Variants in GRM7 observed in about 807,000 individuals in gnomAD.
GRM7 encodes the protein glutamate metabotropic receptor 7.
A neutral mutation model predicts 84.5 loss-of-function variants in GRM7; 35 were observed. That is an observed-to-expected ratio of 0.41 (90% CI 0.32 to 0.55). GRM7 has a LOEUF of 0.55. GRM7 is among the 20% of genes least tolerant of loss of function. The pLI is 0.19. For synonymous variants in GRM7, 487 were observed against 455.1 expected, an observed-to-expected ratio of 1.07 and a Z score of -0.89; for missense variants, 1,003 against 1,194.6, an observed-to-expected ratio of 0.84 and a Z score of 2.36.
intron 1 of GRM7, among the ~76,000 whole-genome samples, chr3:7,138,222 C>A (rs1447552923): frequency 6.6e-6 from 1 of 151,794 alleles, no homozygotes; most frequent in South Asian, 2.1e-4. Flanking sequence ...TAAGTAGATC[C>A]TAGATGCATT....
intron 7 of GRM7, among the ~76,000 whole-genome samples, chr3:7,548,231 T>A (rs1423824306): frequency 6.6e-6 from 1 of 152,178 alleles, no homozygotes; most frequent in East Asian, 1.9e-4. Flanking sequence ...GAATGTCAGC[T>A]CTATTAGGTC....
At chr3:7,714,746 T>C (rs1404116030) in intron 9 of GRM7, among the ~76,000 whole-genome samples, 1 of 152,204 alleles carries the variant, frequency 6.6e-6, no homozygotes, top group East Asian at 1.9e-4. Flanking sequence ...ATAAATCCTC[T>C]ATCCAAGAAC....
Position 7,290,632 on chromosome 3 carries a change from A to G in GRM7, c.737-8052A>G, listed in dbSNP as rs1699588119. On this transcript the variant is annotated intron_variant, in intron 2 of 9. Coordinates refer to ENST00000357716, the MANE Select transcript of GRM7 (RefSeq NM_000844.4). ...CAGAGAATTTTTTATCTAAGCATTC[A>G]GTTTCCTGTGGTTTGTCTTAGGAAG... Among the ~76,000 whole-genome samples the G allele has an allele frequency of 1.3e-5, 2 of 152,154 alleles. 1 individual carries two copies. The highest frequency in any genetic ancestry group is 4.1e-4 in the South Asian group (2 of 4,830).
intron 1 of GRM7, among the ~76,000 whole-genome samples, chr3:6,926,258 A>T (rs953172401): frequency 6.6e-6 from 1 of 152,180 alleles, no homozygotes; most frequent in South Asian, 2.1e-4. Flanking sequence ...ATATCCATTG[A>T]TCTATCTGCT....
chr3:7,064,567 A>C (rs1404952429), intron 1 of GRM7, among the ~76,000 whole-genome samples: 1 of 80,328 alleles, frequency 1.2e-5, no homozygotes, highest in Non-Finnish European at 2.3e-5. Context: ...ATATATATAT[A>C]TATCACAGTT....
chr3:6,957,390 C>T (rs76624027), intron 1 of GRM7, among the ~76,000 whole-genome samples: 13,612 of 152,214 alleles, frequency 0.089, 685 homozygotes, highest in Non-Finnish European at 0.12. Context: ...TGCTTCATTC[C>T]AGAACGAGTG....
intron 1 of GRM7, among the ~76,000 whole-genome samples, chr3:7,099,539 G>C (rs369195447): frequency 6.9e-6 from 1 of 144,532 alleles, no homozygotes; most frequent in South Asian, 2.2e-4. Context: ...CATTATACAT[G>C]TACACATATA....
intron 5 of GRM7, among the ~76,000 whole-genome samples, chr3:7,437,385 T>C (rs563340323): frequency 6.6e-6 from 1 of 152,316 alleles, no homozygotes; most frequent in East Asian, 1.9e-4. Flanking sequence ...TACAAAATAA[T>C]CTAACTCATA....
At chr3:7,061,061 AT>A (rs932581520) in intron 1 of GRM7, among the ~76,000 whole-genome samples, 4 of 151,770 alleles carry the variant, frequency 2.6e-5, no homozygotes, top group Non-Finnish European at 5.9e-5. Context: ...TAGTACAGGC[AT>A]TTTTTGATGT....
chr3:7,729,869 C>CTT (rs1168461157), intron 9 of GRM7, among the ~76,000 whole-genome samples: 4,215 of 69,882 alleles, frequency 0.06, 268 homozygotes, highest in African/African-American at 0.092. Flanking sequence ...CCACCTCCGG[C>CTT]TTTTTTTTTT....
At chr3:7,372,366 T>C (rs754708925) in intron 4 of GRM7, among the ~76,000 whole-genome samples, 5 of 152,186 alleles carry the variant, frequency 3.3e-5, no homozygotes, top group Non-Finnish European at 7.3e-5. Flanking sequence ...TACAATCTTA[T>C]AACACTGAGC....
chr3:7,713,503 A>G (rs1427271537), intron 9 of GRM7, among the ~76,000 whole-genome samples: 1 of 152,072 alleles, frequency 6.6e-6, no homozygotes, highest in East Asian at 1.9e-4. Context: ...TCAAACTCCA[A>G]GTAGTATTAA....
intron 4 of GRM7, among the ~76,000 whole-genome samples, chr3:7,376,563 C>T (rs1196251673): frequency 6.6e-6 from 1 of 152,180 alleles, no homozygotes; most frequent in Non-Finnish European, 1.5e-5. Context: ...GCTTCAGGGG[C>T]ACTCTAGACC....
chr3:7,459,831 G>C (rs907728296), intron 6 of GRM7, among the ~76,000 whole-genome samples: 3 of 152,186 alleles, frequency 2.0e-5, no homozygotes, highest in African/African-American at 4.8e-5. Flanking sequence ...AACTTGAAGA[G>C]TGTGTGAGTA....
rs115546833 is a variant in GRM7, at chr3:6,875,517, G to A, written c.519+13610G>A. ...TAAGGTGTAGCTTTGCTCTTCATTC[G>A]CCTTCTGCCATGATTGTGAGGCCTC... On this transcript the variant is annotated intron_variant, in intron 1 of 9. Transcript: ENST00000357716. Among the ~76,000 whole-genome samples the A allele has an allele frequency of 5.4e-3, 817 of 152,142 alleles. 5 individuals carry two copies. The highest frequency in any genetic ancestry group is 0.019 in the African/African-American group (780 of 41,500).
intron 5 of GRM7, among the ~76,000 whole-genome samples, chr3:7,435,396 T>A (rs932779176): frequency 6.6e-6 from 1 of 152,058 alleles, no homozygotes; most frequent in Non-Finnish European, 1.5e-5. Flanking sequence ...GCTCAAGAGA[T>A]CCACCCACCG....
intron 8 of GRM7, among the ~76,000 whole-genome samples, chr3:7,629,399 G>A (rs938557558): frequency 6.6e-6 from 1 of 152,130 alleles, no homozygotes; most frequent in African/African-American, 2.4e-5. Flanking sequence ...TTCTGGTGAG[G>A]ACTCTCCTCC....
chr3:7,449,741 A>C (rs761775088), intron 5 of GRM7, among the ~76,000 whole-genome samples: 1 of 152,176 alleles, frequency 6.6e-6, no homozygotes, highest in East Asian at 1.9e-4. Flanking sequence ...ATGTATTACA[A>C]TAACTGCATA....
At chr3:6,938,678 C>T (rs541514444) in intron 1 of GRM7, among the ~76,000 whole-genome samples, 3 of 152,268 alleles carry the variant, frequency 2.0e-5, no homozygotes, top group South Asian at 4.1e-4. Flanking sequence ...CCCATTCTCA[C>T]ATTTCTTAAT....
Sources: gnomAD v4.1 joint callset for allele counts (sites outside exome capture counted in the v4.1 genomes callset) on GRCh38, gnomAD v4.1.1 for gene constraint, MANE v1.5 for transcripts, NCBI Gene and HGNC (gene_info 2026-07-23, HGNC 2026-07-21) for gene names.